Variants in AKT1 observed in about 807,000 individuals in gnomAD.
AKT1 encodes the protein RAC-alpha serine/threonine-protein kinase.
Under a neutral mutation model 63.1 loss-of-function variants are expected in AKT1, and 21 were observed. The ratio of observed to expected loss-of-function variants is 0.33; its 90% CI spans 0.24 to 0.48. The LOEUF is 0.48. Ranked by LOEUF, AKT1 falls within the 20% of genes least tolerant of loss-of-function variation. AKT1 has a pLI of 0.99. For synonymous variants in AKT1, 257 were observed against 253.1 expected (o/e 1.02, Z -0.15); for missense variants, 382 against 666.0 (o/e 0.57, Z 4.69).
intron 3 of AKT1, 145 bp downstream of exon 3, chr14:104,792,453 G>A: frequency 1.1e-6 from 1 of 895,892 alleles, no homozygotes. Flanking sequence ...GAAGACATGG[G>A]GCCCAGGACA....
chr14:104,788,986 G>A (rs748043444), intron 3 of AKT1, among the ~76,000 whole-genome samples: 1 of 152,198 alleles, frequency 6.6e-6, no homozygotes, highest in Non-Finnish European at 1.5e-5. Context: ...GCTTGGACAC[G>A]CTGCCCACAC....
In AKT1 at chr14:104,793,032, G is replaced by A. The variant is rs1462525222; in HGVS notation, c.-80+95C>T. The A allele has an allele frequency of 1.1e-5, 4 of 365,374 alleles. No homozygotes were observed. The East Asian group carries it at 1.9e-4, about 17-fold the overall frequency. The allele number at this position is 365,374 out of a possible 1,614,324, so 22.6% of individuals were successfully genotyped here. On this transcript the variant is annotated intron_variant, in intron 2 of 14. Coordinates refer to ENST00000649815, the MANE Select transcript of AKT1 (RefSeq NM_001382430.1). The stretch of plus-strand genomic sequence containing the variant: ...CCACCACCCGCAACAGCCAGGCCCT[G>A]AGAGCTGCTGCCTTGCTCACCTCCC...
In AKT1 at chr14:104,769,868, G is replaced by T; in HGVS notation, c.*473C>A. The T allele has an allele frequency of 5.2e-6, 2 of 385,230 alleles. No individual in the cohort carries two copies. Among genetic ancestry groups the T allele is most frequent in the East Asian group, 5.1e-5 (1 of 19,768 alleles). 23.9% of individuals were successfully genotyped at this position (385,230 alleles called of 1,614,324 possible). On this transcript the variant is annotated 3_prime_UTR_variant, in exon 15 of 15. Coordinates refer to ENST00000649815, the MANE Select transcript of AKT1 (RefSeq NM_001382430.1). ...TGTGTGCCTGCCACCCCCAGGAGAG[G>T]GTGCTGGCCAGCATACCATAGTGAG...
chr14:104,776,216 C>T (rs1469525558), intron 5 of AKT1: 2 of 199,440 alleles, frequency 1.0e-5, no homozygotes, highest in Non-Finnish European at 2.1e-5. Context: ...GGTAAAATCT[C>T]GGCTCCTGCA....
chr14:104,780,331 A>AG (rs1322269792), intron 3 of AKT1, 115 bp from the exon 4 acceptor site: 5 of 1,415,038 alleles, frequency 3.5e-6, no homozygotes, highest in Admixed American at 4.3e-5. Flanking sequence ...CCTGAGTCCC[A>AG]GGGGGCAGGC....
At position 104,775,989 on chromosome 14, in the gene AKT1, G is replaced by C. The variant is rs1205407719; in HGVS notation, c.288-190C>G. ...AGGGTCACGAAGCCCTCTTGGACGT[G>C]GGGGACACCCAGGCTTAGCCCCCCA... On this transcript the variant is annotated intron_variant, in intron 5 of 14. Transcript: ENST00000649815. 3 of 638,848 alleles carry C rather than the reference G, an allele frequency of 4.7e-6. No homozygotes were observed. The Admixed American group carries it at 9.2e-5, about 20-fold the overall frequency. The allele number at this position is 638,848 out of a possible 1,614,324, so 39.6% of individuals were successfully genotyped here. A position where few individuals can be genotyped will look rare whatever the true frequency, so the allele number is the denominator to read the frequency against.
chr14:104,770,824 C>T lies in AKT1; in HGVS notation c.1284G>A (p.Gln428=). 1.2e-6 allele frequency: 2 copies of T among 1,614,154 alleles called. No homozygotes were observed. The highest frequency in any genetic ancestry group is 8.5e-7 in the Non-Finnish European group (1 of 1,180,024). The change falls in exon 14 of 15, where the codon CAG becomes CAA. Residue 428 remains glutamine (Q), a synonymous_variant. Transcript: ENST00000649815. ...ACCTGGTGTCAGTCTCCGACGTGAC[C>T]TGGGGCTTGAAGGGTGGGCTGAGCT... ...EKKLSPPFKP[Q]VTSETDTRYF...
At chr14:104,772,100 G>A (rs1358151939) in intron 13 of AKT1, 1 of 567,972 alleles carries the variant, frequency 1.8e-6, no homozygotes, top group South Asian at 2.0e-5. Context: ...TCCGAGGGGA[G>A]GAGGAAACTC....
Position 104,773,451 on chromosome 14 carries a change from G to T in AKT1, c.828+4C>A. ...CCTGCCCCCCTGCCTGCCCGCCAGC[G>T]CACCTTGAGGTCCCGGTACACCACG... is the stretch of plus-strand genomic sequence containing the variant. On this transcript the variant is annotated splice_donor_region_variant and intron_variant, in intron 10 of 14. Transcript: ENST00000649815. 2 of 1,613,896 alleles carry T rather than the reference G, an allele frequency of 1.2e-6. No homozygotes were observed. Among genetic ancestry groups the T allele is most frequent in the South Asian group, 1.1e-5 (1 of 91,066 alleles).
intron 4 of AKT1, chr14:104,777,286 C>A: frequency 8.2e-6 from 1 of 121,874 alleles, no homozygotes; most frequent in South Asian, 9.9e-5. Context: ...TGGGGCACAG[C>A]CACACCTGGG....
At chr14:104,782,563 T>C (rs1893117051) in intron 3 of AKT1, among the ~76,000 whole-genome samples, 1 of 151,892 alleles carries the variant, frequency 6.6e-6, no homozygotes, top group Admixed American at 6.6e-5. Flanking sequence ...TTACCAGGCG[T>C]GGGGGGTGGG....
At chr14:104,786,567 G>C (rs972974916) in intron 3 of AKT1, among the ~76,000 whole-genome samples, 3 of 152,182 alleles carry the variant, frequency 2.0e-5, no homozygotes, top group African/African-American at 4.8e-5. Flanking sequence ...CTGCATTGCT[G>C]GGGGAACTGG....
At chr14:104,780,986 C>T (rs936323377) in intron 3 of AKT1, among the ~76,000 whole-genome samples, 8 of 152,242 alleles carry the variant, frequency 5.3e-5, no homozygotes, top group Non-Finnish European at 1.0e-4. Flanking sequence ...CCGCCGTCGG[C>T]CCTGCCGCGT....
At chr14:104,784,056 C>G (rs1319181447) in intron 3 of AKT1, among the ~76,000 whole-genome samples, 1 of 152,172 alleles carries the variant, frequency 6.6e-6, no homozygotes, top group Non-Finnish European at 1.5e-5. Context: ...TCCGGTCCCA[C>G]CCTCCTGCCC....
chr14:104,782,082 T>C (rs1893083254), intron 3 of AKT1, among the ~76,000 whole-genome samples: 2 of 150,862 alleles, frequency 1.3e-5, no homozygotes, highest in South Asian at 2.1e-4. Flanking sequence ...GCCTCCCACG[T>C]CCCCTCCCCC....
Position 104,770,478 on chromosome 14 carries a change from C to T in AKT1, c.1364-58G>A, listed in dbSNP as rs1368363504. 2.0e-6 allele frequency: 3 copies of T among 1,481,582 alleles called. No homozygotes were observed. In the African/African-American group the frequency reaches 4.2e-5, roughly 21 times the overall value. 91.8% of individuals were successfully genotyped at this position (1,481,582 alleles called of 1,614,324 possible). On this transcript the variant is annotated intron_variant, in intron 14 of 14. Transcript: ENST00000649815. Reference sequence around the variant, plus strand: ...CCACCTCCCTGCCACCTCCACCCACCCACAGCTCCAGTAGGAAGCCAACCT... The same window carrying T: ...CCACCTCCCTGCCACCTCCACCCACTCACAGCTCCAGTAGGAAGCCAACCT...
chr14:104,770,757 G>A lies in AKT1; in HGVS notation c.1351C>T (p.Pro451Ser), dbSNP rs1892340313. The part of the protein sequence containing the change: ...EFTAQMITIT[P>S]PDQDDSMECV... Reference sequence around the variant, plus strand: ...AGTGGCCCCTCACCTTGGTCAGGTGGTGTGATGGTGATCATCTGGGCCGTG... The same window carrying A: ...AGTGGCCCCTCACCTTGGTCAGGTGATGTGATGGTGATCATCTGGGCCGTG... Residue 451 changes from proline to serine, a missense_variant, in exon 14 of 15, where the codon CCA becomes TCA. By Grantham distance (74) the Pro-to-Ser change is moderately conservative (BLOSUM62 -1). Coordinates refer to ENST00000649815, the MANE Select transcript of AKT1 (RefSeq NM_001382430.1). 7 of 1,614,046 alleles carry A rather than the reference G, an allele frequency of 4.3e-6. No homozygotes were observed. Among genetic ancestry groups the A allele is most frequent in the Non-Finnish European group, 5.9e-6 (7 of 1,179,934 alleles).
At chr14:104,773,409 C>T (rs767037102) in intron 10 of AKT1, 30 bp from the exon 11 acceptor site, 12 of 1,613,938 alleles carry the variant, frequency 7.4e-6, no homozygotes, top group East Asian at 4.5e-5. Flanking sequence ...AGGTCAGTGC[C>T]GCCAGGCCCC....
At chr14:104,770,880 C>T in intron 13 of AKT1, 33 bp from the exon 14 acceptor site, 1 of 1,590,554 alleles carries the variant, frequency 6.3e-7, no homozygotes, top group Non-Finnish European at 8.6e-7. Context: ...CAGTCATGAG[C>T]TTCGCTCCCC....
Sources: allele counts gnomAD v4.1 joint callset (sites outside exome capture counted in the v4.1 genomes callset), GRCh38; gene constraint gnomAD v4.1.1; transcripts MANE v1.5; gene names NCBI Gene and HGNC (gene_info 2026-07-23, HGNC 2026-07-21).